Variants in TMED10 observed in about 807,000 individuals in gnomAD.
The protein encoded by TMED10 is transmembrane emp24 domain-containing protein 10.
A neutral mutation model predicts 23.1 loss-of-function variants in TMED10; 7 were observed. The ratio of observed to expected loss-of-function variants is 0.30; its 90% CI spans 0.17 to 0.57. The LOEUF (loss-of-function observed/expected upper bound fraction) is 0.57, where lower values mean the gene tolerates loss of function less well. Ranked by LOEUF, TMED10 falls within the 20% of genes least tolerant of loss-of-function variation. The pLI, the probability that TMED10 is intolerant of heterozygous loss-of-function variation, is 0.91. For missense variants in TMED10, 162 were observed against 274.8 expected (o/e 0.59, Z 2.90); for synonymous variants, 113 against 106.9 (o/e 1.06, Z -0.35).
intron 1 of TMED10, among the ~76,000 whole-genome samples, chr14:75,165,222 G>A (rs2139856982): frequency 6.6e-6 from 1 of 152,090 alleles, no homozygotes; most frequent in East Asian, 1.9e-4. Context: ...TCAGAAACAT[G>A]TTCTTTTTCT....
At chr14:75,154,128 G>A (rs1337580930) in intron 1 of TMED10, among the ~76,000 whole-genome samples, 6 of 147,574 alleles carry the variant, frequency 4.1e-5, no homozygotes, top group African/African-American at 1.5e-4. Flanking sequence ...AGTGGCTCAC[G>A]CACCTGTAAT....
intron 3 of TMED10, among the ~76,000 whole-genome samples, chr14:75,140,948 TA>T (rs1895814731): frequency 6.6e-6 from 1 of 152,172 alleles, no homozygotes. Context: ...AATAGACTTT[TA>T]TTACCAGCTT....
chr14:75,155,562 T>A (rs1219121206), intron 1 of TMED10, among the ~76,000 whole-genome samples: 1 of 152,240 alleles, frequency 6.6e-6, no homozygotes, highest in African/African-American at 2.4e-5. Flanking sequence ...ATCTTGAATA[T>A]AAACAATTTT....
chr14:75,162,072 C>T (rs1896092359), intron 1 of TMED10, among the ~76,000 whole-genome samples: 2 of 152,094 alleles, frequency 1.3e-5, no homozygotes, highest in African/African-American at 2.4e-5. Context: ...CAAGACCAGC[C>T]TGGCCAACAT....
At chr14:75,163,009 A>G (rs945079314) in intron 1 of TMED10, among the ~76,000 whole-genome samples, 5 of 151,890 alleles carry the variant, frequency 3.3e-5, no homozygotes, top group Admixed American at 2.0e-4. Flanking sequence ...CCGAAAGGGG[A>G]GGGTCACTTG....
rs1566675102 is a variant in TMED10, at chr14:75,164,548, TATATATATATATATATATATATA to T, written c.225+11784_225+11806del. The stretch of plus-strand genomic sequence containing the variant: ...ACCTGGCCTAATATATATATATATA[TATATATATATATATATATATATA>T]TATATATTTTTTTTTTTTTTTTTGT... On this transcript the variant is annotated intron_variant, in intron 1 of 4. Transcript: ENST00000303575. Among the ~76,000 whole-genome samples the T allele has an allele frequency of 3.3e-4, 14 of 42,608 alleles. 2 individuals are homozygous for T. Among genetic ancestry groups the T allele is most frequent in the Admixed American group, 5.2e-4 (2 of 3,834 alleles). 28.0% of individuals were successfully genotyped at this position (42,608 alleles called of 152,430 possible).
At chr14:75,168,198 C>T (rs543334859) in intron 1 of TMED10, among the ~76,000 whole-genome samples, 18 of 152,302 alleles carry the variant, frequency 1.2e-4, no homozygotes, top group African/African-American at 4.1e-4. Context: ...TCACCCCCTA[C>T]TCCCTAGTGC....
intron 1 of TMED10, 187 bp downstream of exon 1, chr14:75,176,168 T>C (rs1276661148): frequency 8.7e-6 from 6 of 688,320 alleles, no homozygotes; most frequent in Non-Finnish European, 1.2e-5. Flanking sequence ...CAGGCGTTGG[T>C]GACCCGCCCC....
At position 75,138,812 on chromosome 14, in the gene TMED10, C is replaced by CTTTTTTTTTTTT. The variant is rs59707221; in HGVS notation, c.412-2938_412-2927dup. ...CTACTGAATCCCACAGCCTTTGCTTCTTTTTTTTTTTTTTTTTTTTATTTT... is the reference window on the plus strand; with the variant it reads ...CTACTGAATCCCACAGCCTTTGCTTCTTTTTTTTTTTTTTTTTTTTTTTTTTTTTTTTATTTT... On this transcript the variant is annotated intron_variant, in intron 3 of 4. Transcript: ENST00000303575. Among the ~76,000 whole-genome samples, 97 of 95,012 alleles carry CTTTTTTTTTTTT rather than the reference C, an allele frequency of 1.0e-3. 1 individual carries two copies. The highest frequency in any genetic ancestry group is 1.7e-3 in the African/African-American group (46 of 27,628). The allele number at this position is 95,012 out of a possible 152,430, so 62.3% of individuals were successfully genotyped here.
intron 1 of TMED10, among the ~76,000 whole-genome samples, chr14:75,158,262 G>C (rs1258744589): frequency 2.6e-5 from 4 of 152,146 alleles, no homozygotes; most frequent in Non-Finnish European, 4.4e-5. Context: ...GATTCTTAAA[G>C]GCCTCTTGTT....
Position 75,176,458 on chromosome 14 carries a change from CGA to C in TMED10, c.120_121del (p.Arg41GlnfsTer5). 1 of 1,614,182 alleles carries C rather than the reference CGA, an allele frequency of 6.2e-7. No individual in the cohort carries two copies. The highest frequency in any genetic ancestry group is 8.5e-7 in the Non-Finnish European group (1 of 1,180,034). ...GTGAATCTCCTCACGGAGGCACTTGCGAGAGTTAATGGGCAGATGGAAGGAGA... is the reference window on the plus strand; with the variant it reads ...GTGAATCTCCTCACGGAGGCACTTGCGAGTTAATGGGCAGATGGAAGGAGA... On this transcript the variant is annotated frameshift_variant, in exon 1 of 5. Coordinates refer to ENST00000303575, the MANE Select transcript of TMED10 (RefSeq NM_006827.6). LOFTEE classifies it high-confidence loss of function.
rs1199970245 is a variant in TMED10 at position 75,176,583 on chromosome 14, G to A, written c.-4C>T. ...GTGGGCCAGACAAACCAGACATGGT[G>A]CTGGAGACTCGTTCACCACCGAAGG... On this transcript the variant is annotated 5_prime_UTR_variant, in exon 1 of 5. Transcript: ENST00000303575. 17 of 1,613,898 alleles carry A rather than the reference G, an allele frequency of 1.1e-5. No individual in the cohort carries two copies. The highest frequency in any genetic ancestry group is 1.4e-5 in the Non-Finnish European group (16 of 1,179,960).
intron 3 of TMED10, 79 bp downstream of exon 3, chr14:75,147,585 C>T: frequency 3.5e-6 from 5 of 1,421,000 alleles, no homozygotes; most frequent in Non-Finnish European, 5.0e-6. Context: ...CAAAGCACAG[C>T]CTGTTGGCCT....
chr14:75,150,799 A>T (rs1895945637), intron 2 of TMED10, among the ~76,000 whole-genome samples: 1 of 152,218 alleles, frequency 6.6e-6, no homozygotes, highest in Non-Finnish European at 1.5e-5. Context: ...TCTTGCATAG[A>T]ACTGTCAGCC....
chr14:75,134,960 G>C lies in TMED10; in HGVS notation c.585C>G (p.Phe195Leu). 6.2e-7 allele frequency: 1 copy of C among 1,613,974 alleles called. No homozygotes were observed. Among genetic ancestry groups the C allele is most frequent in the Non-Finnish European group, 8.5e-7 (1 of 1,179,942 alleles). The change falls in exon 5 of 5, where the codon TTC becomes TTG. Residue 195 changes from phenylalanine (F) to leucine (L), a missense_variant. Phe to Leu is a conservative substitution (Grantham distance 22). Coordinates refer to ENST00000303575, the MANE Select transcript of TMED10 (RefSeq NM_006827.6). ...GCCAGGTAGCTAGTCCAATGAGACA[G>C]AACATTGAAAAGATGCTGAAGTATA... ...RVLYFSIFSM[F>L]CLIGLATWQV...
At chr14:75,138,812 C>CTTTTTTTTTTTTTTTTTTTTTTTTTTT (rs59707221) in intron 3 of TMED10, among the ~76,000 whole-genome samples, 2 of 95,052 alleles carry the variant, frequency 2.1e-5, no homozygotes, top group Non-Finnish European at 4.2e-5. Flanking sequence ...GCCTTTGCTT[C>CTTTTTTTTTTTTTTTTTTTTTTTTTTT]TTTTTTTTTT....
chr14:75,155,328 T>C (rs1166147083), intron 1 of TMED10, among the ~76,000 whole-genome samples: 1 of 152,304 alleles, frequency 6.6e-6, no homozygotes, highest in Non-Finnish European at 1.5e-5. Flanking sequence ...AGTAAGATAG[T>C]TCCTGTCTTC....
intron 1 of TMED10, among the ~76,000 whole-genome samples, chr14:75,164,577 A>ATATATATATTTT (rs1566675301): frequency 2.2e-5 from 1 of 45,092 alleles, no homozygotes; most frequent in African/African-American, 2.2e-4. Flanking sequence ...ATATATATAT[A>ATATATATATTTT]TTTTTTTTTT....
chr14:75,160,303 T>C (rs555151232), intron 1 of TMED10, among the ~76,000 whole-genome samples: 28 of 152,272 alleles, frequency 1.8e-4, no homozygotes, highest in African/African-American at 6.7e-4. Context: ...CCAATATCAT[T>C]ACATAAACCA....
Sources: gnomAD v4.1 joint callset for allele counts (sites outside exome capture counted in the v4.1 genomes callset) on GRCh38, gnomAD v4.1.1 for gene constraint, MANE v1.5 for transcripts, NCBI Gene and HGNC (gene_info 2026-07-23, HGNC 2026-07-21) for gene names.